HDAC9: variants seen among roughly 807,000 people sequenced by gnomAD.
The protein encoded by HDAC9 is histone deacetylase 9.
HDAC9 carries 41 observed loss-of-function variants against 139.4 expected under a neutral mutation model. The observed-to-expected ratio is 0.29, with a 90% CI of 0.23 to 0.38. The LOEUF is 0.38. Among genes scored for constraint, HDAC9 ranks in the 10% least tolerant of loss-of-function variants. The pLI, the probability that HDAC9 is intolerant of heterozygous loss-of-function variation, is 1.00. For synonymous variants in HDAC9, 517 were observed against 476.2 expected, an observed-to-expected ratio of 1.09 and a Z score of -1.12; for missense variants, 1,147 against 1,297.0, an observed-to-expected ratio of 0.88 and a Z score of 1.78.
chr7:18,323,259 C>T (rs1800165665), intron 1 of HDAC9, among the ~76,000 whole-genome samples: 1 of 152,102 alleles, frequency 6.6e-6, no homozygotes, highest in Admixed American at 6.5e-5. Context: ...ATATCTAGAC[C>T]CACGACTATT....
At chr7:18,703,404 A>T (rs1783654390) in intron 12 of HDAC9, among the ~76,000 whole-genome samples, 1 of 152,200 alleles carries the variant, frequency 6.6e-6, no homozygotes, top group African/African-American at 2.4e-5. Context: ...TAAATAAAAT[A>T]TATCAAAAGT....
intron 2 of HDAC9, among the ~76,000 whole-genome samples, chr7:18,207,244 T>C (rs1340594555): frequency 6.6e-6 from 1 of 152,084 alleles, no homozygotes; most frequent in African/African-American, 2.4e-5. Flanking sequence ...TGGCCCTGAT[T>C]TGAAATATCT....
At position 18,835,517 on chromosome 7, in the gene HDAC9, C is replaced by G. The variant is rs748842629; in HGVS notation, c.2517C>G (p.Ser839Arg). Residue 839 changes from serine to arginine, a missense_variant, in exon 20 of 26, where the codon AGC becomes AGG. Transcript: ENST00000686413. ...GTQQAFYADP[S>R]ILYISLHRYD... ...AGCAGGCCTTTTATGCTGACCCCAG[C>G]ATCCTGTACATTTCACTCCATCGCT... 2 of 1,613,550 alleles carry G rather than the reference C, an allele frequency of 1.2e-6. No individual in the cohort carries two copies. The highest frequency in any genetic ancestry group is 2.2e-5 in the South Asian group (2 of 91,084).
chr7:18,953,733 T>A (rs188887938), intron 23 of HDAC9, among the ~76,000 whole-genome samples: 55 of 152,212 alleles, frequency 3.6e-4, no homozygotes, highest in South Asian at 1.2e-3. Flanking sequence ...AAAAACACTG[T>A]GAAAGTATGG....
At chr7:18,196,503 G>A (rs115536846) in intron 2 of HDAC9, among the ~76,000 whole-genome samples, 1,813 of 152,214 alleles carry the variant, frequency 0.012, 36 homozygotes, top group African/African-American at 0.041. Flanking sequence ...ATTGGTGGCT[G>A]AACAAGATAT....
intron 16 of HDAC9, among the ~76,000 whole-genome samples, chr7:18,785,381 C>A (rs1446690927): frequency 6.6e-6 from 1 of 151,808 alleles, no homozygotes; most frequent in South Asian, 2.1e-4. Context: ...TGGCTCTATG[C>A]ACTAGAAGCC....
At chr7:18,800,569 A>G (rs1793201429) in intron 17 of HDAC9, among the ~76,000 whole-genome samples, 1 of 152,192 alleles carries the variant, frequency 6.6e-6, no homozygotes, top group African/African-American at 2.4e-5. Context: ...ATGGCGGTGC[A>G]TGCCTGTAAT....
chr7:18,590,143 C>A (rs963755707), intron 3 of HDAC9, among the ~76,000 whole-genome samples, 193 bp from the exon 4 acceptor site: 1 of 152,152 alleles, frequency 6.6e-6, no homozygotes, highest in African/African-American at 2.4e-5. Flanking sequence ...CTAAAACTTG[C>A]CTGTTGATGA....
chr7:18,136,931 C>G (rs1162494179), intron 1 of HDAC9, among the ~76,000 whole-genome samples: 2 of 151,194 alleles, frequency 1.3e-5, no homozygotes, highest in East Asian at 3.9e-4. Flanking sequence ...TCTTCCTATC[C>G]ATGAGCATGG....
At chr7:18,162,215 T>C in intron 1 of HDAC9, 2 of 913,722 alleles carry the variant, frequency 2.2e-6, no homozygotes, top group Non-Finnish European at 3.4e-6. Flanking sequence ...CACTGCATTT[T>C]TCTTATGTTC....
At chr7:18,549,321 T>C (rs1816293823) in intron 2 of HDAC9, among the ~76,000 whole-genome samples, 1 of 152,170 alleles carries the variant, frequency 6.6e-6, no homozygotes, top group South Asian at 2.1e-4. Context: ...AAATTAAAAC[T>C]TATGTTCGCA....
At chr7:18,580,431 G>A (rs1449482935) in intron 2 of HDAC9, among the ~76,000 whole-genome samples, 2 of 152,092 alleles carry the variant, frequency 1.3e-5, no homozygotes, top group African/African-American at 4.8e-5. Flanking sequence ...TTCTGACTGG[G>A]CATTTGGAAC....
intron 21 of HDAC9, among the ~76,000 whole-genome samples, chr7:18,866,814 C>T (rs1382359417): frequency 6.6e-6 from 1 of 152,182 alleles, no homozygotes; most frequent in Admixed American, 6.5e-5. Flanking sequence ...TTATGCCGTT[C>T]ACTCAGCACA....
intron 2 of HDAC9, among the ~76,000 whole-genome samples, chr7:18,278,127 A>G (rs1372834752): frequency 1.3e-5 from 2 of 152,276 alleles, no homozygotes; most frequent in Admixed American, 1.3e-4. Flanking sequence ...GCTATGTTCC[A>G]CTTCTGGATA....
At chr7:18,968,488 A>G (rs1189585274) in intron 24 of HDAC9, among the ~76,000 whole-genome samples, 3 of 152,208 alleles carry the variant, frequency 2.0e-5, no homozygotes, top group Non-Finnish European at 4.4e-5. Flanking sequence ...TTCCATACAT[A>G]TATGGAACAC....
intron 13 of HDAC9, among the ~76,000 whole-genome samples, chr7:18,739,266 A>C (rs576929369): frequency 2.0e-5 from 3 of 152,164 alleles, no homozygotes; most frequent in Non-Finnish European, 4.4e-5. Flanking sequence ...ACTTTTGTCA[A>C]CTTGACAAAT....
intron 17 of HDAC9, among the ~76,000 whole-genome samples, chr7:18,825,123 T>C (rs891566298): frequency 5.3e-5 from 8 of 152,178 alleles, no homozygotes; most frequent in African/African-American, 1.4e-4. Flanking sequence ...CCAAGTGATA[T>C]TGAGTACATG....
At position 18,417,191 on chromosome 7, in the gene HDAC9, T is replaced by C. The variant is rs945651636; in HGVS notation, c.-41-79071T>C. Among the ~76,000 whole-genome samples, 14 of 152,220 alleles carry C rather than the reference T, an allele frequency of 9.2e-5. No individual in the cohort carries two copies. The East Asian group carries it at 9.6e-4, about 10-fold the overall frequency. ...TGCCTTCACATTTACTAATCTTTTC[T>C]TCTGCATTGTCTCCTCTGCCGTTTA... is the stretch of plus-strand genomic sequence containing the variant. On this transcript the variant is annotated intron_variant, in intron 1 of 3. Coordinates refer to the HDAC9 transcript ENST00000413509.
intron 2 of HDAC9, among the ~76,000 whole-genome samples, chr7:18,525,434 CTGTG>C (rs1366232192): frequency 6.6e-6 from 1 of 151,972 alleles, no homozygotes; most frequent in Non-Finnish European, 1.5e-5. Flanking sequence ...TTTAAAATTA[CTGTG>C]TGAGTATTCT....
Sources: allele counts gnomAD v4.1 joint callset (sites outside exome capture counted in the v4.1 genomes callset), GRCh38; gene constraint gnomAD v4.1.1; transcripts MANE v1.5; gene names NCBI Gene and HGNC (gene_info 2026-07-23, HGNC 2026-07-21).